The following DLG2 variants were observed in gnomAD, a reference collection of about 807,000 sequenced individuals.
DLG2 encodes the protein discs large MAGUK scaffold protein 2, also known as disks large homolog 2.
DLG2 carries 45 observed loss-of-function variants against 132.5 expected under a neutral mutation model. The ratio of observed to expected loss-of-function variants is 0.34; its 90% confidence interval spans 0.27 to 0.44. The LOEUF is 0.44. Ranked by LOEUF, DLG2 falls within the 20% of genes least tolerant of loss-of-function variation. The pLI, the probability that DLG2 is intolerant of heterozygous loss-of-function variation, is 1.00. For missense variants in DLG2, 1,045 were observed against 1,196.9 expected (o/e 0.87, Z 1.87); for synonymous variants, 424 against 419.6 (o/e 1.01, Z -0.13).
At chr11:85,255,611 T>G (rs2076627883) in intron 4 of DLG2, among the ~76,000 whole-genome samples, 1 of 152,226 alleles carries the variant, frequency 6.6e-6, no homozygotes, top group Admixed American at 6.5e-5. Flanking sequence ...CAATCTAAAT[T>G]AACAGAATCT....
intron 7 of DLG2, among the ~76,000 whole-genome samples, chr11:84,511,210 AT>A (rs1013643707): frequency 6.6e-5 from 10 of 151,702 alleles, no homozygotes; most frequent in Admixed American, 4.0e-4. Context: ...CAAGTGTGGA[AT>A]TTTTTTTTCT....
At chr11:85,399,838 A>G (rs933599376) in intron 3 of DLG2, among the ~76,000 whole-genome samples, 1 of 152,056 alleles carries the variant, frequency 6.6e-6, no homozygotes, top group Non-Finnish European at 1.5e-5. Context: ...CTAGAAGAAA[A>G]CCTAGGCATT....
At chr11:84,595,301 T>G (rs1175812976) in intron 6 of DLG2, among the ~76,000 whole-genome samples, 1 of 151,908 alleles carries the variant, frequency 6.6e-6, no homozygotes, top group Non-Finnish European at 1.5e-5. Context: ...TTTGGAGAGA[T>G]AGGGTTTTGC....
At chr11:84,116,807 A>G (rs1003472871) in intron 9 of DLG2, among the ~76,000 whole-genome samples, 3 of 152,212 alleles carry the variant, frequency 2.0e-5, no homozygotes, top group Non-Finnish European at 4.4e-5. Context: ...AGTATATTTT[A>G]AGTGTCAAAT....
intron 6 of DLG2, among the ~76,000 whole-genome samples, chr11:84,891,560 A>AT (rs1566286866): frequency 6.6e-6 from 1 of 152,134 alleles, no homozygotes; most frequent in East Asian, 1.9e-4. Flanking sequence ...GATAACAGTA[A>AT]TTTTTTCTTA....
intron 6 of DLG2, among the ~76,000 whole-genome samples, chr11:84,776,125 C>T (rs2070436077): frequency 6.6e-6 from 1 of 152,034 alleles, no homozygotes; most frequent in African/African-American, 2.4e-5. Context: ...TATTGAGGTA[C>T]ACCTTTTTAG....
chr11:83,958,997 C>T (rs970486689), intron 14 of DLG2, among the ~76,000 whole-genome samples: 1 of 152,004 alleles, frequency 6.6e-6, no homozygotes, highest in Non-Finnish European at 1.5e-5. Context: ...GTCTATAATG[C>T]CTGAGACAAA....
intron 3 of DLG2, among the ~76,000 whole-genome samples, chr11:85,368,344 C>A (rs773418781): frequency 1.2e-4 from 19 of 152,236 alleles, no homozygotes; most frequent in Non-Finnish European, 2.6e-4. Flanking sequence ...CTAGCCATCA[C>A]TTCTCAATAA....
chr11:84,361,247 G>A (rs1390560904), intron 7 of DLG2, among the ~76,000 whole-genome samples: 2 of 151,832 alleles, frequency 1.3e-5, no homozygotes, highest in African/African-American at 4.8e-5. Flanking sequence ...AAGCTCAAAA[G>A]CCCCAGTCAG....
chr11:84,574,123 C>T (rs1330158695), intron 6 of DLG2, among the ~76,000 whole-genome samples: 1 of 152,090 alleles, frequency 6.6e-6, no homozygotes, highest in Non-Finnish European at 1.5e-5. Flanking sequence ...ACTCAGTGTT[C>T]CCACTCCTCT....
chr11:85,299,627 A>C (rs148819516), intron 3 of DLG2, among the ~76,000 whole-genome samples: 2 of 152,306 alleles, frequency 1.3e-5, no homozygotes, highest in African/African-American at 4.8e-5. Flanking sequence ...AGGCCAAGTC[A>C]CACTCCATTC....
At chr11:84,209,403 A>G (rs577702591) in intron 8 of DLG2, among the ~76,000 whole-genome samples, 31 of 152,320 alleles carry the variant, frequency 2.0e-4, no homozygotes, top group African/African-American at 5.8e-4. Flanking sequence ...ACTGAATTCC[A>G]GAAGAGAAAG....
intron 6 of DLG2, among the ~76,000 whole-genome samples, chr11:84,729,672 T>C (rs965272101): frequency 1.3e-5 from 2 of 152,084 alleles, no homozygotes; most frequent in African/African-American, 2.4e-5. Flanking sequence ...TTGGCCTTTA[T>C]CTAAGTCATA....
intron 2 of DLG2, among the ~76,000 whole-genome samples, chr11:85,616,547 A>T (rs2081350918): frequency 6.6e-6 from 1 of 152,174 alleles, no homozygotes; most frequent in Non-Finnish European, 1.5e-5. Context: ...ATATGCCAGG[A>T]CAAAACCCAG....
chr11:83,734,553 C>T (rs539810479), intron 18 of DLG2, among the ~76,000 whole-genome samples: 5 of 152,168 alleles, frequency 3.3e-5, no homozygotes, highest in East Asian at 1.9e-4. Flanking sequence ...CAGGTTCAAG[C>T]GATTCTTCTT....
chr11:83,582,505 T>C (rs1031511642), intron 19 of DLG2, among the ~76,000 whole-genome samples: 1 of 152,214 alleles, frequency 6.6e-6, no homozygotes. Context: ...TAAGACATTC[T>C]CAGTATCCTC....
chr11:84,144,556 G>T (rs1278318013), intron 9 of DLG2, among the ~76,000 whole-genome samples: 1 of 152,120 alleles, frequency 6.6e-6, no homozygotes, highest in Non-Finnish European at 1.5e-5. Context: ...AGTCATGTCA[G>T]CTTCTAGCAA....
chr11:85,384,618 G>C (rs1295050037), intron 3 of DLG2, among the ~76,000 whole-genome samples: 2 of 152,152 alleles, frequency 1.3e-5, no homozygotes. Context: ...TCCCACGCTG[G>C]AGTGCAGTTG....
At chr11:85,019,220 G>T (rs1019102502) in intron 6 of DLG2, among the ~76,000 whole-genome samples, 5 of 152,124 alleles carry the variant, frequency 3.3e-5, no homozygotes, top group African/African-American at 1.2e-4. Flanking sequence ...TCATAAAGAG[G>T]TATCAAAATT....
Sources: allele counts gnomAD v4.1 joint callset (sites outside exome capture counted in the v4.1 genomes callset), GRCh38; gene constraint gnomAD v4.1.1; transcripts MANE v1.5; gene names NCBI Gene and HGNC (gene_info 2026-07-23, HGNC 2026-07-21).